SLC36A3: variants seen among roughly 807,000 people sequenced by gnomAD.
SLC36A3 encodes proton-coupled amino acid transporter 3.
In SLC36A3, 35 loss-of-function variants were observed where a neutral mutation model predicts 44.3. The ratio of observed to expected loss-of-function variants is 0.79; its 90% confidence interval spans 0.60 to 1.05. The LOEUF (loss-of-function observed/expected upper bound fraction) is 1.05, where lower values mean the gene tolerates loss of function less well. Ranked by LOEUF, SLC36A3 falls within the 50% of genes least tolerant of loss-of-function variation. SLC36A3 has a pLI of 0.00. For synonymous variants in SLC36A3, 211 were observed against 227.6 expected (o/e 0.93, Z 0.66); for missense variants, 540 against 578.7 (o/e 0.93, Z 0.69).
Position 151,293,345 on chromosome 5 carries a change from C to A in SLC36A3, c.404+19G>T, listed in dbSNP as rs748178414. The A allele has an allele frequency of 6.3e-7, 1 of 1,599,384 alleles. No homozygotes were observed. ...ATGATGATTTTTGTTGTTACTACTACAACATCTGTGACTACTACCTTCCCC... is the reference window on the plus strand; with the variant it reads ...ATGATGATTTTTGTTGTTACTACTAAAACATCTGTGACTACTACCTTCCCC... On this transcript the variant is annotated intron_variant, in intron 4 of 9. Coordinates refer to ENST00000335230, the MANE Select transcript of SLC36A3 (RefSeq NM_181774.4).
intron 2 of SLC36A3, 142 bp from the exon 3 acceptor site, chr5:151,296,410 T>C: frequency 1.5e-6 from 1 of 679,956 alleles, no homozygotes; most frequent in Non-Finnish European, 2.6e-6. Flanking sequence ...GTCCTCATGC[T>C]CCCAGATGCT....
intron 8 of SLC36A3, among the ~76,000 whole-genome samples, chr5:151,282,886 C>CTTT (rs11362344): frequency 1.4e-5 from 2 of 142,652 alleles, no homozygotes; most frequent in Non-Finnish European, 1.5e-5. Flanking sequence ...TTCTTTCTTT[C>CTTT]TTTTTTTTTT....
At chr5:151,294,090 G>T (rs1754866390) in intron 3 of SLC36A3, among the ~76,000 whole-genome samples, 1 of 152,244 alleles carries the variant, frequency 6.6e-6, no homozygotes, top group Non-Finnish European at 1.5e-5. Flanking sequence ...ACAGGTGGGA[G>T]AGAGGAAGGG....
chr5:151,283,705 G>A (rs568903622), intron 8 of SLC36A3, among the ~76,000 whole-genome samples: 3 of 152,270 alleles, frequency 2.0e-5, no homozygotes, highest in South Asian at 4.1e-4. Context: ...AATAGCTAAC[G>A]CTCATGAATG....
chr5:151,287,770 A>T (rs749590108), intron 5 of SLC36A3, among the ~76,000 whole-genome samples: 2 of 152,202 alleles, frequency 1.3e-5, no homozygotes, highest in Non-Finnish European at 2.9e-5. Context: ...TTTCTTCTCC[A>T]CAAAATGAGT....
chr5:151,293,900 G>T (rs978292101), intron 3 of SLC36A3, among the ~76,000 whole-genome samples: 15 of 149,182 alleles, frequency 1.0e-4, no homozygotes, highest in African/African-American at 3.9e-4. Context: ...ATCCTGCCCA[G>T]CCCCCTGTAG....
chr5:151,285,464 C>T (rs1449668929), intron 6 of SLC36A3, among the ~76,000 whole-genome samples: 1 of 152,200 alleles, frequency 6.6e-6, no homozygotes, highest in Non-Finnish European at 1.5e-5. Flanking sequence ...TCTAACATGT[C>T]TCTCCCACAC....
intron 9 of SLC36A3, among the ~76,000 whole-genome samples, chr5:151,279,976 T>G (rs1754248305): frequency 6.6e-6 from 1 of 152,176 alleles, no homozygotes; most frequent in African/African-American, 2.4e-5. Flanking sequence ...CATCCCTTGT[T>G]GTTTTGCTCA....
intron 3 of SLC36A3, among the ~76,000 whole-genome samples, chr5:151,294,046 T>G (rs1298202606): frequency 2.0e-5 from 3 of 152,198 alleles, no homozygotes; most frequent in African/African-American, 4.8e-5. Flanking sequence ...GCCCAGATCC[T>G]GGAAGCACGG....
intron 1 of SLC36A3, among the ~76,000 whole-genome samples, 153 bp from the exon 2 acceptor site, chr5:151,298,836 G>A (rs1415156572): frequency 6.6e-6 from 1 of 152,070 alleles, no homozygotes; most frequent in Non-Finnish European, 1.5e-5. Context: ...CAGTTCTAGG[G>A]GTCTGTCCTG....
At position 151,303,468 on chromosome 5, in the gene SLC36A3, C is replaced by T. The variant is rs1580832180; in HGVS notation, c.-114G>A. On this transcript the variant is annotated 5_prime_UTR_variant, in exon 1 of 10. Coordinates refer to ENST00000335230, the MANE Select transcript of SLC36A3 (RefSeq NM_181774.4). ...CTGACCTGAGATGCTGGCTCCTAAC[C>T]CCAAGGATGCGTGCTGCTGGCTGAA... 3.4e-6 allele frequency: 4 copies of T among 1,173,772 alleles called. No individual in the cohort carries two copies. The highest frequency in any genetic ancestry group is 4.8e-6 in the Non-Finnish European group (4 of 832,858). The allele number at this position is 1,173,772 out of a possible 1,614,324, so 72.7% of individuals were successfully genotyped here.
At chr5:151,287,511 C>A (rs568183102) in intron 5 of SLC36A3, 47 bp from the exon 6 acceptor site, 2 of 1,558,210 alleles carry the variant, frequency 1.3e-6, no homozygotes, top group East Asian at 2.3e-5. Context: ...ACGTAAAACA[C>A]AGGACACCAA....
rs13155520 is a variant in SLC36A3, at chr5:151,277,544, G to C, written c.1262C>G (p.Ser421Cys). 1.2e-6 allele frequency: 2 copies of C among 1,614,206 alleles called. No homozygotes were observed. ...PALLEIVIFY[S>C]EDMSCVTIAK... Reference sequence around the variant, plus strand: ...AATGGTGACACAGCTCATGTCCTCAGAGTAAAAGATGACGATCTCCAGGAG... The same window carrying C: ...AATGGTGACACAGCTCATGTCCTCACAGTAAAAGATGACGATCTCCAGGAG... Residue 421 changes from serine to cysteine, a missense_variant, in exon 10 of 10, where the codon TCT becomes TGT. Ser to Cys is a moderately radical substitution (Grantham distance 112). Transcript: ENST00000335230.
In SLC36A3 at chr5:151,303,447, C is replaced by T. The variant is rs1755234059; in HGVS notation, c.-93G>A. 1 of 1,378,332 alleles carries T rather than the reference C, an allele frequency of 7.3e-7. No homozygotes were observed. Among genetic ancestry groups the T allele is most frequent in the Middle Eastern group, 1.9e-4 (1 of 5,290 alleles). 85.4% of individuals were successfully genotyped at this position (1,378,332 alleles called of 1,614,324 possible). ...TCTCCAGAGAAACCATGGCTGCTGACCTGAGATGCTGGCTCCTAACCCCAA... is the reference window on the plus strand; with the variant it reads ...TCTCCAGAGAAACCATGGCTGCTGATCTGAGATGCTGGCTCCTAACCCCAA... On this transcript the variant is annotated 5_prime_UTR_variant, in exon 1 of 10. Transcript: ENST00000335230.
At chr5:151,297,374 AG>A (rs1754992924) in intron 2 of SLC36A3, 1 of 152,212 alleles carries the variant, frequency 6.6e-6, no homozygotes, top group Admixed American at 6.5e-5. Context: ...AGGATTCCAA[AG>A]GGGAGAGTCC....
At chr5:151,297,975 A>G (rs1755017134) in intron 2 of SLC36A3, 1 of 152,132 alleles carries the variant, frequency 6.6e-6, no homozygotes, top group Admixed American at 6.5e-5. Flanking sequence ...AATAATAATA[A>G]ATAAATAAAT....
intron 1 of SLC36A3, among the ~76,000 whole-genome samples, chr5:151,302,798 C>A (rs1375385969): frequency 6.6e-6 from 1 of 151,420 alleles, no homozygotes; most frequent in Admixed American, 6.6e-5. Flanking sequence ...GAGTTTGGGG[C>A]AGTAAAGGTG....
At chr5:151,299,817 G>A (rs1235952061) in intron 1 of SLC36A3, among the ~76,000 whole-genome samples, 2 of 152,186 alleles carry the variant, frequency 1.3e-5, no homozygotes, top group African/African-American at 2.4e-5. Flanking sequence ...CAGGGAAGCT[G>A]TAAGACTCAA....
intron 4 of SLC36A3, among the ~76,000 whole-genome samples, chr5:151,292,280 C>G (rs1171544036): frequency 6.6e-6 from 1 of 152,138 alleles, no homozygotes; most frequent in Non-Finnish European, 1.5e-5. Flanking sequence ...CTCATCTAAT[C>G]ATTAGAGTGG....
Sources: allele counts gnomAD v4.1 joint callset (sites outside exome capture counted in the v4.1 genomes callset), GRCh38; gene constraint gnomAD v4.1.1; transcripts MANE v1.5; gene names NCBI Gene and HGNC (gene_info 2026-07-23, HGNC 2026-07-21).